Variants in LRP1B observed in about 807,000 individuals in gnomAD.
The protein encoded by LRP1B is LDL receptor related protein 1B.
A neutral mutation model predicts 556.6 loss-of-function variants in LRP1B; 217 were observed. That is an observed-to-expected ratio of 0.39 (90% CI 0.35 to 0.44). The LOEUF (loss-of-function observed/expected upper bound fraction) is 0.44. Among genes scored for constraint, LRP1B ranks in the 20% least tolerant of loss-of-function variants. The pLI, the probability that LRP1B is intolerant of heterozygous loss-of-function variation, is 1.00. For missense variants in LRP1B, 5,053 were observed against 5,620.8 expected (o/e 0.90, Z 3.23); for synonymous variants, 2,047 against 1,865.8 (o/e 1.10, Z -2.50).
At chr2:140,402,043 A>T (rs1310083439) in intron 66 of LRP1B, among the ~76,000 whole-genome samples, 1 of 152,172 alleles carries the variant, frequency 6.6e-6, no homozygotes, top group Non-Finnish European at 1.5e-5. Context: ...ACATCACTGG[A>T]TCCCCTGCAG....
At chr2:141,852,864 C>A (rs1403830609) in intron 1 of LRP1B, among the ~76,000 whole-genome samples, 2 of 149,528 alleles carry the variant, frequency 1.3e-5, no homozygotes, top group Non-Finnish European at 1.5e-5. Context: ...AAAAATCTAA[C>A]AGGAGAGAAG....
chr2:141,029,039 A>G (rs1299828226), intron 11 of LRP1B, among the ~76,000 whole-genome samples: 1 of 152,106 alleles, frequency 6.6e-6, no homozygotes. Flanking sequence ...GACGTCTAGG[A>G]CTTACAGAAG....
intron 2 of LRP1B, among the ~76,000 whole-genome samples, chr2:141,591,024 T>C (rs1416049900): frequency 6.6e-6 from 1 of 152,202 alleles, no homozygotes; most frequent in Non-Finnish European, 1.5e-5. Context: ...GTAAATAGCC[T>C]ACGGTTTGAC....
chr2:141,022,964 T>G (rs1698108325), intron 11 of LRP1B, among the ~76,000 whole-genome samples: 1 of 151,896 alleles, frequency 6.6e-6, no homozygotes, highest in Non-Finnish European at 1.5e-5. Context: ...ATACCCATTT[T>G]CATGCATCAA....
chr2:140,252,394 ACT>A (rs1320162909), intron 86 of LRP1B, among the ~76,000 whole-genome samples: 10 of 151,992 alleles, frequency 6.6e-5, no homozygotes, highest in Non-Finnish European at 1.5e-4. Context: ...ATAAAAATGT[ACT>A]CATATCTAAC....
intron 1 of LRP1B, among the ~76,000 whole-genome samples, chr2:141,823,973 T>C (rs537135796): frequency 1.6e-4 from 24 of 152,242 alleles, no homozygotes; most frequent in Non-Finnish European, 2.4e-4. Flanking sequence ...TGAGCTGGCC[T>C]GGACTAAATT....
intron 14 of LRP1B, 98 bp from the exon 15 acceptor site, chr2:141,005,555 GTATAT>G: frequency 3.0e-6 from 3 of 988,324 alleles, no homozygotes; most frequent in East Asian, 5.6e-5. Context: ...TATATGCTAT[GTATAT>G]TATATATTTA....
At chr2:140,605,053 A>G (rs1682818687) in intron 41 of LRP1B, among the ~76,000 whole-genome samples, 1 of 152,176 alleles carries the variant, frequency 6.6e-6, no homozygotes, top group Non-Finnish European at 1.5e-5. Flanking sequence ...AGAACAGACT[A>G]ACACACAAAT....
chr2:141,051,074 G>A (rs950348191), intron 10 of LRP1B, among the ~76,000 whole-genome samples: 7 of 152,186 alleles, frequency 4.6e-5, no homozygotes, highest in African/African-American at 1.7e-4. Context: ...AAACCACAAT[G>A]AGATACTATC....
At chr2:141,795,138 TA>T (rs1456243950) in intron 2 of LRP1B, among the ~76,000 whole-genome samples, 1 of 152,246 alleles carries the variant, frequency 6.6e-6, no homozygotes. Context: ...TTTATAAGTT[TA>T]AAAGAGTCTG....
At chr2:141,625,688 G>A (rs893228567) in intron 2 of LRP1B, among the ~76,000 whole-genome samples, 1 of 152,104 alleles carries the variant, frequency 6.6e-6, no homozygotes, top group Non-Finnish European at 1.5e-5. Context: ...TACATGTGAT[G>A]TTAGATATTT....
intron 7 of LRP1B, among the ~76,000 whole-genome samples, chr2:141,096,629 G>GAGGGAGAGAGAGAGA (rs1558858138): frequency 5.0e-5 from 3 of 59,742 alleles, no homozygotes; most frequent in African/African-American, 2.2e-4. Flanking sequence ...GGGGAGAGGG[G>GAGGGAGAGAGAGAGA]GAGAGAGAGA....
intron 1 of LRP1B, among the ~76,000 whole-genome samples, chr2:141,924,295 TGCTTGATA>T (rs1700277526): frequency 2.0e-5 from 3 of 152,156 alleles, no homozygotes; most frequent in South Asian, 4.1e-4. Context: ...GGAGTTTGGC[TGCTTGATA>T]GCCAAAACTT....
chr2:141,178,437 C>A (rs189554211), intron 7 of LRP1B, among the ~76,000 whole-genome samples: 1 of 152,196 alleles, frequency 6.6e-6, no homozygotes, highest in Admixed American at 6.5e-5. Flanking sequence ...ATACACAGGA[C>A]AGTGGATTCA....
chr2:141,101,104 T>G (rs1198841893), intron 7 of LRP1B, among the ~76,000 whole-genome samples: 2 of 152,000 alleles, frequency 1.3e-5, no homozygotes, highest in African/African-American at 4.8e-5. Context: ...CTCACTGACT[T>G]GGAAGATGCC....
At chr2:141,216,682 G>T (rs1186154406) in intron 6 of LRP1B, among the ~76,000 whole-genome samples, 1 of 152,214 alleles carries the variant, frequency 6.6e-6, no homozygotes, top group Non-Finnish European at 1.5e-5. Flanking sequence ...CTTACTCCTT[G>T]TACCAGTGTG....
chr2:141,928,063 T>C (rs1700385029), intron 1 of LRP1B, among the ~76,000 whole-genome samples: 1 of 152,168 alleles, frequency 6.6e-6, no homozygotes, highest in Non-Finnish European at 1.5e-5. Context: ...CCAGTAGGGC[T>C]ATGCTGTCAT....
intron 3 of LRP1B, among the ~76,000 whole-genome samples, chr2:141,453,124 C>A (rs1009246614): frequency 1.3e-5 from 2 of 151,932 alleles, no homozygotes; most frequent in African/African-American, 2.4e-5. Context: ...GTAGTCCCAG[C>A]TACTCAGGAG....
intron 25 of LRP1B, among the ~76,000 whole-genome samples, chr2:140,880,824 T>G (rs1287611458): frequency 1.3e-5 from 2 of 152,178 alleles, no homozygotes; most frequent in African/African-American, 2.4e-5. Flanking sequence ...CCATTTTAAA[T>G]ATATCCTTGA....
Sources: gnomAD v4.1 joint callset for allele counts (sites outside exome capture counted in the v4.1 genomes callset) on GRCh38, gnomAD v4.1.1 for gene constraint, MANE v1.5 for transcripts, NCBI Gene and HGNC (gene_info 2026-07-23, HGNC 2026-07-21) for gene names.